The following TCERG1L variants were observed in gnomAD, a reference collection of about 807,000 sequenced individuals.
TCERG1L encodes transcription elongation regulator 1 like.
A neutral mutation model predicts 56.3 loss-of-function variants in TCERG1L; 37 were observed. The observed-to-expected ratio is 0.66, with a 90% CI of 0.51 to 0.87. The LOEUF (loss-of-function observed/expected upper bound fraction) is 0.87. Ranked by LOEUF, TCERG1L falls within the 40% of genes least tolerant of loss-of-function variation. The pLI, the probability that TCERG1L is intolerant of heterozygous loss-of-function variation, is 0.00. For synonymous variants in TCERG1L, 324 were observed against 326.3 expected (o/e 0.99, Z 0.08); for missense variants, 799 against 774.2 (o/e 1.03, Z -0.38).
intron 4 of TCERG1L, among the ~76,000 whole-genome samples, chr10:131,222,822 G>GT (rs1189512914): frequency 6.6e-6 from 1 of 152,180 alleles, no homozygotes; most frequent in African/African-American, 2.4e-5. Flanking sequence ...TCTGGGGAGG[G>GT]TCATGAGAGA....
chr10:131,311,433 G>A lies in TCERG1L; in HGVS notation c.203C>T (p.Pro68Leu), dbSNP rs1236164225. The change falls in exon 1 of 12, where the codon CCG becomes CTG. Residue 68 changes from proline (P) to leucine (L), a missense_variant. Transcript: ENST00000368642. This position sits in a 1 kb window ranked among gnomAD's most constrained non-coding sequence, Gnocchi z 4.0. ...VPPVLLASAP[P>L]PAAPLLPGLP... is the part of the protein sequence containing the mutation. The stretch of plus-strand genomic sequence containing the variant: ...ACCGGGGAGCAGCGGGGCCGCGGGC[G>A]GCGGGGCCGAGGCGAGCAGCACCGG... 1.7e-6 allele frequency: 2 copies of A among 1,176,984 alleles called. No individual in the cohort carries two copies. Among genetic ancestry groups the A allele is most frequent in the Non-Finnish European group, 1.0e-6 (1 of 954,312 alleles). 72.9% of individuals were successfully genotyped at this position (1,176,984 alleles called of 1,614,324 possible).
At position 131,092,761 on chromosome 10, in the gene TCERG1L, A is replaced by G. The variant is rs551019671; in HGVS notation, c.*401T>C. 1 of 161,494 alleles carries G rather than the reference A, an allele frequency of 6.2e-6. No homozygotes were observed. The highest frequency in any genetic ancestry group is 6.2e-5 in the Admixed American group (1 of 16,004). 10.0% of individuals were successfully genotyped at this position (161,494 alleles called of 1,614,324 possible). ...TTCCTCAACACTGCGGGAATCCTGG[A>G]GAAACGAAGTAATTCACAAAGGTTT... On this transcript the variant is annotated 3_prime_UTR_variant, in exon 12 of 12. Coordinates refer to ENST00000368642, the MANE Select transcript of TCERG1L (RefSeq NM_174937.4).
intron 8 of TCERG1L, among the ~76,000 whole-genome samples, chr10:131,130,305 C>G (rs532435430): frequency 6.6e-6 from 1 of 152,272 alleles, no homozygotes; most frequent in Middle Eastern, 3.4e-3. Flanking sequence ...TTACCTCCCA[C>G]TGGGTCCCTC....
In TCERG1L at chr10:131,295,572, A is replaced by T. The variant is rs191940137; in HGVS notation, c.670+12639T>A. 9.9e-3 allele frequency among the ~76,000 whole-genome samples: 1,503 copies of T among 152,380 alleles called. 29 individuals carry two copies. The highest frequency in any genetic ancestry group is 0.035 in the African/African-American group (1,441 of 41,592). On this transcript the variant is annotated intron_variant, in intron 3 of 11. Coordinates refer to ENST00000368642, the MANE Select transcript of TCERG1L (RefSeq NM_174937.4). ...ATGAAATATGATGTTGAACATTTTTAAAAATTGTATTTAATTTTCTTTAAA... is the reference window on the plus strand; with the variant it reads ...ATGAAATATGATGTTGAACATTTTTTAAAATTGTATTTAATTTTCTTTAAA...
At chr10:131,197,307 G>C (rs1422530501) in intron 4 of TCERG1L, among the ~76,000 whole-genome samples, 1 of 151,596 alleles carries the variant, frequency 6.6e-6, no homozygotes, top group Non-Finnish European at 1.5e-5. Flanking sequence ...TCAGCCTCCC[G>C]AGTAGCTGGG....
chr10:131,198,474 A>T (rs1845391362), intron 4 of TCERG1L, among the ~76,000 whole-genome samples: 1 of 152,246 alleles, frequency 6.6e-6, no homozygotes, highest in South Asian at 2.1e-4. Flanking sequence ...CCGCACTGCC[A>T]TAGCAAAACA....
intron 8 of TCERG1L, among the ~76,000 whole-genome samples, chr10:131,129,699 C>T (rs865926527): frequency 1.3e-5 from 2 of 152,194 alleles, no homozygotes; most frequent in South Asian, 4.1e-4. Context: ...CACTCGTCTC[C>T]TGGGACCTTT....
intron 4 of TCERG1L, among the ~76,000 whole-genome samples, chr10:131,228,220 C>T (rs1845815009): frequency 1.4e-5 from 2 of 140,202 alleles, no homozygotes; most frequent in Non-Finnish European, 3.1e-5. Flanking sequence ...ACAGGCATTT[C>T]CTCAAGGCCT....
intron 11 of TCERG1L, among the ~76,000 whole-genome samples, chr10:131,094,455 T>C (rs1845220419): frequency 6.6e-6 from 1 of 152,252 alleles, no homozygotes; most frequent in South Asian, 2.1e-4. Context: ...AACAAGATTA[T>C]GCCGACATGG....
At chr10:131,124,443 ATGG>A (rs1253358901) in intron 8 of TCERG1L, among the ~76,000 whole-genome samples, 48 of 152,228 alleles carry the variant, frequency 3.2e-4, no homozygotes, top group Admixed American at 3.1e-3. Flanking sequence ...TTTGTCCAGC[ATGG>A]AATTATTGCC....
intron 4 of TCERG1L, among the ~76,000 whole-genome samples, chr10:131,247,015 G>A (rs1455542392): frequency 1.3e-5 from 2 of 152,018 alleles, no homozygotes; most frequent in Non-Finnish European, 2.9e-5. Flanking sequence ...CGACACCGGC[G>A]CTGCGGCACA....
chr10:131,295,870 T>C (rs1303877309), intron 3 of TCERG1L, among the ~76,000 whole-genome samples: 1 of 152,232 alleles, frequency 6.6e-6, no homozygotes, highest in Non-Finnish European at 1.5e-5. Context: ...CTTTCACAAA[T>C]ACCTCCCTAT....
intron 4 of TCERG1L, among the ~76,000 whole-genome samples, chr10:131,224,627 C>A (rs1030446935): frequency 1.3e-5 from 2 of 152,166 alleles, no homozygotes; most frequent in Non-Finnish European, 1.5e-5. Flanking sequence ...GGGGAGTTAC[C>A]TGAACTCTCC....
intron 4 of TCERG1L, among the ~76,000 whole-genome samples, chr10:131,194,393 T>C (rs1589743403): frequency 2.6e-5 from 4 of 152,342 alleles, no homozygotes; most frequent in Middle Eastern, 6.8e-3. Context: ...TGCCTATTCA[T>C]GCCTAGTGCC....
intron 10 of TCERG1L, among the ~76,000 whole-genome samples, chr10:131,100,593 A>C (rs1168403511): frequency 2.0e-5 from 3 of 152,194 alleles, no homozygotes; most frequent in African/African-American, 7.2e-5. Flanking sequence ...GCGCAAAAAA[A>C]CAAAACACTA....
chr10:131,107,159 G>GCCGTTAGAGAAGCTAGGT (rs1845360269), intron 9 of TCERG1L, among the ~76,000 whole-genome samples: 1 of 152,096 alleles, frequency 6.6e-6, no homozygotes, highest in African/African-American at 2.4e-5. Flanking sequence ...AGCATCTGGG[G>GCCGTTAGAGAAGCTAGGT]CCGTTAGAGA....
At position 131,291,401 on chromosome 10, in the gene TCERG1L, C is replaced by CTTTTTTTTTTTTTTTTTTTTT. The variant is rs71009957; in HGVS notation, c.670+16789_670+16809dup. Among the ~76,000 whole-genome samples, 18 of 36,596 alleles carry CTTTTTTTTTTTTTTTTTTTTT rather than the reference C, an allele frequency of 4.9e-4. 5 individuals are homozygous for CTTTTTTTTTTTTTTTTTTTTT. The highest frequency in any genetic ancestry group is 6.0e-4 in the African/African-American group (6 of 10,020). The allele number at this position is 36,596 out of a possible 152,430, so 24.0% of individuals were successfully genotyped here. ...TGTGTATATTCCATAAACAGCATTT[C>CTTTTTTTTTTTTTTTTTTTTT]TTTTTTTTTTTTTTTTTTTTTTTTT... is the stretch of plus-strand genomic sequence containing the variant. On this transcript the variant is annotated intron_variant, in intron 3 of 11. Transcript: ENST00000368642.
At chr10:131,245,031 C>T (rs1220316464) in intron 4 of TCERG1L, among the ~76,000 whole-genome samples, 1 of 152,160 alleles carries the variant, frequency 6.6e-6, no homozygotes, top group African/African-American at 2.4e-5. Flanking sequence ...TGGGGGAGCC[C>T]CTCAGCTGCT....
In TCERG1L at chr10:131,311,539, G is replaced by T; in HGVS notation, c.97C>A (p.Pro33Thr). The change falls in exon 1 of 12, where the codon CCG becomes ACG. Residue 33 changes from proline (P) to threonine (T), a missense_variant. Transcript: ENST00000368642. The surrounding 1 kb of genome is among the most constrained non-coding windows in gnomAD (Gnocchi z 4.0). Reference sequence around the variant, plus strand: ...CAGACCCAGGGCGGCGGCGGCGGCGGCTCTGCGTCCATCGGCCAGAGGAGA... The same window carrying T: ...CAGACCCAGGGCGGCGGCGGCGGCGTCTCTGCGTCCATCGGCCAGAGGAGA... ...QPLLWPMDAE[P>T]PPPPPWVWMV... is the part of the protein sequence containing the mutation. 1 of 1,194,108 alleles carries T rather than the reference G, an allele frequency of 8.4e-7. No homozygotes were observed. The highest frequency in any genetic ancestry group is 1.0e-6 in the Non-Finnish European group (1 of 962,162). 74.0% of individuals were successfully genotyped at this position (1,194,108 alleles called of 1,614,324 possible).
Sources: allele counts gnomAD v4.1 joint callset (sites outside exome capture counted in the v4.1 genomes callset), GRCh38; gene constraint gnomAD v4.1.1; non-coding constraint Gnocchi (gnomAD v3.1); transcripts MANE v1.5; gene names NCBI Gene and HGNC (gene_info 2026-07-23, HGNC 2026-07-21).